The following PEX5L variants were observed in gnomAD, a reference collection of about 807,000 sequenced individuals.
PEX5L encodes peroxisomal biogenesis factor 5 like.
A neutral mutation model predicts 84.0 loss-of-function variants in PEX5L; 30 were observed. That is an observed-to-expected ratio of 0.36 (90% CI 0.27 to 0.48). The LOEUF is 0.48. Among genes scored for constraint, PEX5L ranks in the 20% least tolerant of loss-of-function variants. The pLI, the probability that PEX5L is intolerant of heterozygous loss-of-function variation, is 0.99. For synonymous variants in PEX5L, 270 were observed against 283.1 expected (o/e 0.95, Z 0.46); for missense variants, 533 against 754.6 (o/e 0.71, Z 3.44).
intron 14 of PEX5L, 119 bp from the exon 15 acceptor site, chr3:179,802,151 C>T (rs1005850460): frequency 2.4e-5 from 17 of 710,766 alleles, no homozygotes; most frequent in African/African-American, 8.8e-5. Context: ...TCACCTCTTA[C>T]GTGTTCTGGA....
Position 179,935,719 on chromosome 3 carries a change from A to C in PEX5L, c.93+35875T>G, listed in dbSNP as rs140771704. Among the ~76,000 whole-genome samples the C allele has an allele frequency of 1.3e-4, 20 of 152,190 alleles. No homozygotes were observed. The East Asian group carries it at 3.9e-3, about 29-fold the overall frequency. ...ACGTTGGAACCTTGATTCCCAGGGC[A>C]GCAATGTTGCAGGTGGAACTTTTAA... On this transcript the variant is annotated intron_variant, in intron 2 of 14. Transcript: ENST00000467460.
chr3:179,996,604 C>A (rs1277467243), intron 1 of PEX5L, among the ~76,000 whole-genome samples: 6 of 152,138 alleles, frequency 3.9e-5, no homozygotes, highest in African/African-American at 1.4e-4. Context: ...AGAAGATACA[C>A]CCTTGACCAA....
chr3:179,879,392 T>G (rs1753472680), intron 5 of PEX5L, among the ~76,000 whole-genome samples: 1 of 152,212 alleles, frequency 6.6e-6, no homozygotes, highest in African/African-American at 2.4e-5. Context: ...TTTTGAAACT[T>G]GGTTCCTCAG....
At chr3:179,914,837 G>C (rs867036984) in intron 2 of PEX5L, among the ~76,000 whole-genome samples, 5 of 152,150 alleles carry the variant, frequency 3.3e-5, no homozygotes, top group African/African-American at 9.7e-5. Flanking sequence ...TCAGCCATGG[G>C]ACATTTTTAT....
intron 2 of PEX5L, among the ~76,000 whole-genome samples, chr3:179,920,856 A>T (rs1005308228): frequency 6.6e-6 from 1 of 152,200 alleles, no homozygotes; most frequent in African/African-American, 2.4e-5. Context: ...TAATGGATAT[A>T]AGTTAACTTT....
chr3:180,022,703 C>T (rs1412176663), intron 1 of PEX5L, among the ~76,000 whole-genome samples: 2 of 152,152 alleles, frequency 1.3e-5, no homozygotes, highest in Non-Finnish European at 2.9e-5. Flanking sequence ...AGTGTCTCCA[C>T]ACTGGGCTTC....
intron 5 of PEX5L, among the ~76,000 whole-genome samples, chr3:179,877,335 A>T (rs1420193776): frequency 1.3e-5 from 2 of 152,372 alleles, no homozygotes; most frequent in South Asian, 4.1e-4. Context: ...TGTGAATAAC[A>T]CTGCTATTCT....
intron 8 of PEX5L, among the ~76,000 whole-genome samples, chr3:179,848,669 C>A (rs1365873393): frequency 1.3e-5 from 2 of 152,014 alleles, no homozygotes; most frequent in African/African-American, 2.4e-5. Flanking sequence ...TCCCACAACT[C>A]AAAGTTTATT....
intron 2 of PEX5L, among the ~76,000 whole-genome samples, chr3:179,919,421 C>T (rs1043687901): frequency 6.6e-5 from 10 of 152,184 alleles, no homozygotes; most frequent in African/African-American, 1.7e-4. Flanking sequence ...GTTAGGGGCT[C>T]GTTCTTGCAT....
intron 2 of PEX5L, among the ~76,000 whole-genome samples, chr3:179,939,590 CAGA>C (rs951766099): frequency 9.2e-5 from 14 of 152,172 alleles, no homozygotes; most frequent in Non-Finnish European, 1.5e-5. Context: ...CTTCTGGGCC[CAGA>C]GGAGAACTTA....
At chr3:179,996,046 A>C (rs1787860318) in intron 1 of PEX5L, among the ~76,000 whole-genome samples, 1 of 152,118 alleles carries the variant, frequency 6.6e-6, no homozygotes, top group South Asian at 2.1e-4. Context: ...TTGTCTGAGG[A>C]GATAAACTCT....
rs1577063118 is a variant in PEX5L, at chr3:179,801,392, A to G, written c.*436T>C. On this transcript the variant is annotated 3_prime_UTR_variant, in exon 15 of 15. Coordinates refer to ENST00000467460, the MANE Select transcript of PEX5L (RefSeq NM_016559.3). ...TGCACCAATGGCCCAAACTATGTTCAGTCTTGCAAAAGAAGACAGTTCAGA... is the reference window on the plus strand; with the variant it reads ...TGCACCAATGGCCCAAACTATGTTCGGTCTTGCAAAAGAAGACAGTTCAGA... 1 of 178,816 alleles carries G rather than the reference A, an allele frequency of 5.6e-6. No individual in the cohort carries two copies. Among genetic ancestry groups the G allele is most frequent in the African/African-American group, 2.4e-5 (1 of 42,164 alleles). 11.1% of individuals were successfully genotyped at this position (178,816 alleles called of 1,614,324 possible).
At chr3:179,926,880 A>C (rs1166558908) in intron 2 of PEX5L, among the ~76,000 whole-genome samples, 1 of 152,240 alleles carries the variant, frequency 6.6e-6, no homozygotes, top group African/African-American at 2.4e-5. Flanking sequence ...GTCACCATCC[A>C]AAACAATTTT....
chr3:179,822,175 T>C (rs1021883224), intron 8 of PEX5L, among the ~76,000 whole-genome samples: 9 of 152,192 alleles, frequency 5.9e-5, no homozygotes, highest in Non-Finnish European at 7.3e-5. Flanking sequence ...CAGACTCCCA[T>C]TGGGTGATAC....
chr3:179,888,869 A>G (rs1475492991), intron 3 of PEX5L, among the ~76,000 whole-genome samples: 2 of 152,038 alleles, frequency 1.3e-5, no homozygotes, highest in African/African-American at 4.8e-5. Flanking sequence ...GGCTCAAGCT[A>G]TCCTCGCATC....
intron 1 of PEX5L, among the ~76,000 whole-genome samples, chr3:180,006,874 G>C (rs985714759): frequency 6.6e-6 from 1 of 152,118 alleles, no homozygotes; most frequent in African/African-American, 2.4e-5. Flanking sequence ...GGAATTCTGG[G>C]AGATACAATT....
chr3:179,883,517 C>T (rs1754804390), intron 4 of PEX5L, among the ~76,000 whole-genome samples: 1 of 152,258 alleles, frequency 6.6e-6, no homozygotes, highest in Non-Finnish European at 1.5e-5. Flanking sequence ...AGTGCAGTGG[C>T]TCATGCCTGT....
At chr3:179,938,006 C>T (rs921060067) in intron 2 of PEX5L, among the ~76,000 whole-genome samples, 2 of 152,058 alleles carry the variant, frequency 1.3e-5, no homozygotes, top group Non-Finnish European at 2.9e-5. Flanking sequence ...TCCATCTCTA[C>T]CTCCACCACC....
chr3:179,895,378 G>C (rs888509049), intron 3 of PEX5L, among the ~76,000 whole-genome samples: 6 of 152,108 alleles, frequency 3.9e-5, no homozygotes, highest in African/African-American at 1.4e-4. Context: ...CAGGTCCAGA[G>C]AAACTTTTTT....
Sources: allele counts gnomAD v4.1 joint callset (sites outside exome capture counted in the v4.1 genomes callset), GRCh38; gene constraint gnomAD v4.1.1; transcripts MANE v1.5; gene names NCBI Gene and HGNC (gene_info 2026-07-23, HGNC 2026-07-21).